Variants in NEU2 observed in about 807,000 individuals in gnomAD.
NEU2 encodes the protein sialidase-2.
NEU2 carries 7 observed loss-of-function variants against 6.3 expected under a neutral mutation model. The observed-to-expected ratio is 1.12, with a 90% CI of 0.63 to 2.10. The LOEUF (loss-of-function observed/expected upper bound fraction) is 2.10, where lower values mean the gene tolerates loss of function less well. Among genes scored for constraint, NEU2 ranks in the 30% most tolerant of loss-of-function variants. The pLI is 0.00. For missense variants in NEU2, 509 were observed against 504.0 expected, an observed-to-expected ratio of 1.01 and a Z score of -0.09; for synonymous variants, 208 against 223.3, an observed-to-expected ratio of 0.93 and a Z score of 0.61.
chr2:233,035,004 T>C lies in NEU2; in HGVS notation c.1090T>C (p.Phe364Leu). The change falls in exon 2 of 2, where the codon TTT (phenylalanine) becomes CTT (leucine). Residue 364 changes from phenylalanine (F) to leucine (L), a missense_variant. Physicochemically the swap from Phe to Leu is conservative, Grantham distance 22 (BLOSUM62 0). Coordinates refer to ENST00000233840, the MANE Select transcript of NEU2 (RefSeq NM_005383.2). ...AGCCAATGATTACGAGGAGATTGTC[T>C]TTCTCATGTTCACCCTGAAGCAAGC... ...YEANDYEEIV[F>L]LMFTLKQAFP... 7 of 1,613,478 alleles carry C rather than the reference T, an allele frequency of 4.3e-6. No individual in the cohort carries two copies. Among genetic ancestry groups the C allele is most frequent in the South Asian group, 2.2e-5 (2 of 90,998 alleles).
chr2:233,034,437 G>T lies in NEU2; in HGVS notation c.523G>T (p.Val175Leu). The T allele has an allele frequency of 6.2e-7, 1 of 1,613,996 alleles. No individual in the cohort carries two copies. Among genetic ancestry groups the T allele is most frequent in the East Asian group, 2.2e-5 (1 of 44,882 alleles). ...LQLHDRARSLVVPAYAYRKLH... is the reference protein window; with the variant it reads ...LQLHDRARSLLVPAYAYRKLH... ...GCTTCACGACAGGGCCCGGAGCCTG[G>T]TGGTGCCCGCCTACGCCTACCGGAA... is the stretch of plus-strand genomic sequence containing the variant. Residue 175 changes from valine (V) to leucine (L), a missense_variant, in exon 2 of 2, where the codon GTG becomes TTG. Physicochemically the swap from Val to Leu is conservative, Grantham distance 32 (BLOSUM62 1). Transcript: ENST00000233840. This position sits in a 1 kb window ranked among gnomAD's most constrained non-coding sequence, Gnocchi z 4.8.
At chr2:233,033,405 G>A (rs1690541619) in intron 1 of NEU2, among the ~76,000 whole-genome samples, 1 of 152,200 alleles carries the variant, frequency 6.6e-6, no homozygotes, top group Non-Finnish European at 1.5e-5. Flanking sequence ...ACTGACCACA[G>A]ATGTGGCCTA....
rs759762825 is a variant in NEU2 at position 233,035,045 on chromosome 2, C to G, written c.1131C>G (p.Tyr377Ter). The G allele has an allele frequency of 3.8e-6, 6 of 1,598,786 alleles. No homozygotes were observed. The Admixed American group carries it at 6.8e-5, about 18-fold the overall frequency. Residue 377 changes from tyrosine (Y) to a stop codon, truncating the protein, a stop_gained, in exon 2 of 2, where the codon TAC becomes TAG. Transcript: ENST00000233840. LOFTEE classifies it high-confidence loss of function. ...FTLKQAFPAE[Y>*]LPQ ...TGAAGCAAGCCTTCCCAGCTGAGTA[C>G]CTGCCTCAGTGAGCCTGTGGTGCCC...
At position 233,032,718 on chromosome 2, in the gene NEU2, G is replaced by C. The variant is rs1359388751; in HGVS notation, c.47G>C (p.Gly16Ala). ...CAGAAGGAGAGCGTGTTCCAGTCGGGAGCCCATGCCTACAGAATCCCTGCC... is the reference window on the plus strand; with the variant it reads ...CAGAAGGAGAGCGTGTTCCAGTCGGCAGCCCATGCCTACAGAATCCCTGCC... ...VLQKESVFQS[G>A]AHAYRIPALL... Residue 16 changes from glycine to alanine, a missense_variant, in exon 1 of 2, where the codon GGA becomes GCA. Coordinates refer to ENST00000233840, the MANE Select transcript of NEU2 (RefSeq NM_005383.2). 1.2e-6 allele frequency: 2 copies of C among 1,614,088 alleles called. No homozygotes were observed. The highest frequency in any genetic ancestry group is 1.7e-5 in the Admixed American group (1 of 60,008).
chr2:233,033,753 AGCTGGACTGGGGT>A, intron 1 of NEU2, among the ~76,000 whole-genome samples: 1 of 152,180 alleles, frequency 6.6e-6, no homozygotes, highest in South Asian at 2.1e-4. Flanking sequence ...AAGGATGGTG[AGCTGGACTGGGGT>A]GGGAAGTGGA....
chr2:233,033,294 G>T (rs924593171), intron 1 of NEU2, among the ~76,000 whole-genome samples: 2 of 152,102 alleles, frequency 1.3e-5, no homozygotes, highest in Admixed American at 6.5e-5. Flanking sequence ...CATATTTGAA[G>T]AGTTTAATAT....
At position 233,032,866 on chromosome 2, in the gene NEU2, G is replaced by A; in HGVS notation, c.195G>A (p.Gln65=). ...GAGACTACGACGCACCCACCCACCA[G>A]GTTCAGGTGAGGCAGGAGGTGTCTG... ...RRGDYDAPTH[Q]VQWQAQEVVA... is the part of the protein sequence containing the mutation. The change falls in exon 1 of 2, where the codon CAG becomes CAA. Residue 65 remains glutamine, a synonymous_variant. Coordinates refer to ENST00000233840, the MANE Select transcript of NEU2 (RefSeq NM_005383.2). 1 of 1,597,392 alleles carries A rather than the reference G, an allele frequency of 6.3e-7. No individual in the cohort carries two copies. The highest frequency in any genetic ancestry group is 8.5e-7 in the Non-Finnish European group (1 of 1,172,164).
chr2:233,034,907 C>T lies in NEU2; in HGVS notation c.993C>T (p.Ser331=). 3 of 1,614,158 alleles carry T rather than the reference C, an allele frequency of 1.9e-6. No homozygotes were observed. The highest frequency in any genetic ancestry group is 2.5e-6 in the Non-Finnish European group (3 of 1,180,028). The change falls in exon 2 of 2, where the codon AGC becomes AGT. Residue 331 remains serine (S), a synonymous_variant. Coordinates refer to ENST00000233840, the MANE Select transcript of NEU2 (RefSeq NM_005383.2). The surrounding 1 kb of genome is among the most constrained non-coding windows in gnomAD (Gnocchi z 4.8). ...WSEPVLLAKG[S]CAYSDLQSMG... The stretch of plus-strand genomic sequence containing the variant: ...AGCCGGTACTGCTGGCCAAGGGCAG[C>T]TGTGCCTACTCAGACCTCCAGAGCA...
At position 233,034,723 on chromosome 2, in the gene NEU2, A is replaced by C; in HGVS notation, c.809A>C (p.Gln270Pro). 1 of 1,542,130 alleles carries C rather than the reference A, an allele frequency of 6.5e-7. No individual in the cohort carries two copies. Among genetic ancestry groups the C allele is most frequent in the Non-Finnish European group, 8.7e-7 (1 of 1,144,252 alleles). The change falls in exon 2 of 2, where the codon CAG (glutamine) becomes CCG (proline). Residue 270 changes from glutamine (Q) to proline (P), a missense_variant. By Grantham distance (76) the Gln-to-Pro change is moderately conservative. Coordinates refer to ENST00000233840, the MANE Select transcript of NEU2 (RefSeq NM_005383.2). The surrounding 1 kb of genome is among the most constrained non-coding windows in gnomAD (Gnocchi z 4.8). ...LVKKLVEPPP[Q>P]GCQGSVISFP... ...AAGAAGCTGGTGGAGCCGCCGCCCC[A>C]GGGCTGCCAGGGGAGCGTCATCAGC...
chr2:233,034,217 C>T lies in NEU2; in HGVS notation c.303C>T (p.Phe101=). The change falls in exon 2 of 2, where the codon TTC becomes TTT. Residue 101 remains phenylalanine, a synonymous_variant. Transcript: ENST00000233840. This position sits in a 1 kb window ranked among gnomAD's most constrained non-coding sequence, Gnocchi z 4.8. ...YDAQTGTLFL[F]FIAIPGQVTE... is the part of the protein sequence containing the mutation. ...CGCAGACGGGGACCCTCTTCCTCTT[C>T]TTCATTGCCATCCCTGGGCAAGTCA... 6.2e-7 allele frequency: 1 copy of T among 1,614,192 alleles called. No homozygotes were observed. Among genetic ancestry groups the T allele is most frequent in the Non-Finnish European group, 8.5e-7 (1 of 1,180,036 alleles).
chr2:233,032,849 G>A lies in NEU2; in HGVS notation c.178G>A (p.Asp60Asn), dbSNP rs370749556. ...GATTGTCCTGCGCAGAGGAGACTAC[G>A]ACGCACCCACCCACCAGGTTCAGGT... Reference protein sequence around the residue: ...ELIVLRRGDYDAPTHQVQWQA... With the variant: ...ELIVLRRGDYNAPTHQVQWQA... Residue 60 changes from aspartate (D) to asparagine (N), a missense_variant, in exon 1 of 2, where the codon GAC becomes AAC. Asp to Asn is a conservative substitution (Grantham distance 23). Coordinates refer to ENST00000233840, the MANE Select transcript of NEU2 (RefSeq NM_005383.2). 1.3e-4 allele frequency: 216 copies of A among 1,608,996 alleles called. No homozygotes were observed. The highest frequency in any genetic ancestry group is 3.4e-4 in the Admixed American group (20 of 59,064).
At position 233,034,297 on chromosome 2, in the gene NEU2, C is replaced by A. The variant is rs773072275; in HGVS notation, c.383C>A (p.Thr128Asn). Residue 128 changes from threonine to asparagine, a missense_variant, in exon 2 of 2, where the codon ACC (threonine) becomes AAC (asparagine). By Grantham distance (65) the Thr-to-Asn change is moderately conservative. Coordinates refer to ENST00000233840, the MANE Select transcript of NEU2 (RefSeq NM_005383.2). The surrounding 1 kb of genome is among the most constrained non-coding windows in gnomAD (Gnocchi z 4.8). Reference protein sequence around the residue: ...RANVTRLCQVTSTDHGRTWSS... With the variant: ...RANVTRLCQVNSTDHGRTWSS... ...AATGTGACGCGGCTGTGCCAAGTCA[C>A]CAGCACTGACCACGGGAGGACCTGG... 4 of 1,614,148 alleles carry A rather than the reference C, an allele frequency of 2.5e-6. No individual in the cohort carries two copies. The highest frequency in any genetic ancestry group is 8.5e-7 in the Non-Finnish European group (1 of 1,180,024).
chr2:233,035,047 T>G lies in NEU2; in HGVS notation c.1133T>G (p.Leu378Arg), dbSNP rs546242414. 170 of 1,596,642 alleles carry G rather than the reference T, an allele frequency of 1.1e-4. 2 individuals carry two copies. In the South Asian group the frequency reaches 1.9e-3, roughly 18 times the overall value. ...AAGCAAGCCTTCCCAGCTGAGTACC[T>G]GCCTCAGTGAGCCTGTGGTGCCCAC... ...TLKQAFPAEY[L>R]PQ The change falls in exon 2 of 2, where the codon CTG (leucine) becomes CGG (arginine). Residue 378 changes from leucine (L) to arginine (R), a missense_variant. Coordinates refer to ENST00000233840, the MANE Select transcript of NEU2 (RefSeq NM_005383.2).
At position 233,034,287 on chromosome 2, in the gene NEU2, T is replaced by C; in HGVS notation, c.373T>C (p.Cys125Arg). 1 of 1,614,148 alleles carries C rather than the reference T, an allele frequency of 6.2e-7. No individual in the cohort carries two copies. The highest frequency in any genetic ancestry group is 8.5e-7 in the Non-Finnish European group (1 of 1,180,024). Residue 125 changes from cysteine (C) to arginine (R), a missense_variant, in exon 2 of 2, where the codon TGC (cysteine) becomes CGC (arginine). By Grantham distance (180) the Cys-to-Arg change is radical. Transcript: ENST00000233840. This position sits in a 1 kb window ranked among gnomAD's most constrained non-coding sequence, Gnocchi z 4.8. ...LQTRANVTRL[C>R]QVTSTDHGRT... ...GACCAGGGCCAATGTGACGCGGCTG[T>C]GCCAAGTCACCAGCACTGACCACGG... is the stretch of plus-strand genomic sequence containing the variant.
Position 233,034,426 on chromosome 2 carries a change from C to T in NEU2, c.512C>T (p.Ala171Val), listed in dbSNP as rs747646310. ...PGHCLQLHDRARSLVVPAYAY... is the reference protein window; with the variant it reads ...PGHCLQLHDRVRSLVVPAYAY... Reference sequence around the variant, plus strand: ...CATTGTTTGCAGCTTCACGACAGGGCCCGGAGCCTGGTGGTGCCCGCCTAC... The same window carrying T: ...CATTGTTTGCAGCTTCACGACAGGGTCCGGAGCCTGGTGGTGCCCGCCTAC... The change falls in exon 2 of 2, where the codon GCC becomes GTC. Residue 171 changes from alanine (A) to valine (V), a missense_variant. Physicochemically the swap from Ala to Val is moderately conservative, Grantham distance 64. Transcript: ENST00000233840. The surrounding 1 kb of genome is among the most constrained non-coding windows in gnomAD (Gnocchi z 4.8). The T allele has an allele frequency of 6.2e-6, 10 of 1,613,874 alleles. No homozygotes were observed.
chr2:233,034,184 G>A lies in NEU2; in HGVS notation c.270G>A (p.Leu90=). The change falls in exon 2 of 2, where the codon TTG becomes TTA. Residue 90 remains leucine, a synonymous_variant. Coordinates refer to ENST00000233840, the MANE Select transcript of NEU2 (RefSeq NM_005383.2). The surrounding 1 kb of genome is among the most constrained non-coding windows in gnomAD (Gnocchi z 4.8). ...DGHRSMNPCP[L]YDAQTGTLFL... ...ACCGGTCCATGAACCCATGCCCCTT[G>A]TATGACGCGCAGACGGGGACCCTCT... The A allele has an allele frequency of 6.2e-7, 1 of 1,614,148 alleles. No homozygotes were observed. The highest frequency in any genetic ancestry group is 8.5e-7 in the Non-Finnish European group (1 of 1,180,016).
In NEU2 at chr2:233,034,288, G is replaced by A; in HGVS notation, c.374G>A (p.Cys125Tyr). Residue 125 changes from cysteine (C) to tyrosine (Y), a missense_variant, in exon 2 of 2, where the codon TGC (cysteine) becomes TAC (tyrosine). Cys to Tyr is a radical substitution (Grantham distance 194, BLOSUM62 -2). Coordinates refer to ENST00000233840, the MANE Select transcript of NEU2 (RefSeq NM_005383.2). This position sits in a 1 kb window ranked among gnomAD's most constrained non-coding sequence, Gnocchi z 4.8. The stretch of plus-strand genomic sequence containing the variant: ...ACCAGGGCCAATGTGACGCGGCTGT[G>A]CCAAGTCACCAGCACTGACCACGGG... The part of the protein sequence containing the change: ...LQTRANVTRL[C>Y]QVTSTDHGRT... 6 of 1,614,172 alleles carry A rather than the reference G, an allele frequency of 3.7e-6. No individual in the cohort carries two copies. Among genetic ancestry groups the A allele is most frequent in the Non-Finnish European group, 5.1e-6 (6 of 1,180,028 alleles).
chr2:233,033,482 C>A (rs551287385), intron 1 of NEU2, among the ~76,000 whole-genome samples: 28 of 152,284 alleles, frequency 1.8e-4, no homozygotes, highest in African/African-American at 6.7e-4. Context: ...CACCTGTTCC[C>A]TGGGGATTGA....
chr2:233,034,252 A>G lies in NEU2; in HGVS notation c.338A>G (p.Gln113Arg), dbSNP rs778137828. 151 of 1,614,004 alleles carry G rather than the reference A, an allele frequency of 9.4e-5. No individual in the cohort carries two copies. The highest frequency in any genetic ancestry group is 1.2e-4 in the Non-Finnish European group (146 of 1,180,010). Residue 113 changes from glutamine to arginine, a missense_variant, in exon 2 of 2, where the codon CAG becomes CGG. Coordinates refer to ENST00000233840, the MANE Select transcript of NEU2 (RefSeq NM_005383.2). The surrounding 1 kb of genome is among the most constrained non-coding windows in gnomAD (Gnocchi z 4.8). ...ATCCCTGGGCAAGTCACGGAGCAAC[A>G]GCAGCTGCAGACCAGGGCCAATGTG... ...IAIPGQVTEQQQLQTRANVTR... is the reference protein window; with the variant it reads ...IAIPGQVTEQRQLQTRANVTR...
Sources: gnomAD v4.1 joint callset for allele counts (sites outside exome capture counted in the v4.1 genomes callset) on GRCh38, gnomAD v4.1.1 for gene constraint, Gnocchi (gnomAD v3.1) non-coding constraint, MANE v1.5 for transcripts, NCBI Gene and HGNC (gene_info 2026-07-23, HGNC 2026-07-21) for gene names.